C14orf39: variants seen among roughly 807,000 people sequenced by gnomAD.
C14orf39 encodes the protein chromosome 14 open reading frame 39.
Under a neutral mutation model 85.6 loss-of-function variants are expected in C14orf39, and 66 were observed. The ratio of observed to expected loss-of-function variants is 0.77; its 90% CI spans 0.63 to 0.95. The LOEUF (loss-of-function observed/expected upper bound fraction) is 0.95, where lower values mean the gene tolerates loss of function less well. Ranked by LOEUF, C14orf39 falls within the 40% of genes least tolerant of loss-of-function variation. The pLI is 0.00. For missense variants in C14orf39, 735 were observed against 663.9 expected (o/e 1.11, Z -1.18); for synonymous variants, 242 against 214.0 (o/e 1.13, Z -1.14).
intron 1 of C14orf39, among the ~76,000 whole-genome samples, chr14:60,505,951 A>G (rs1414789238): frequency 6.6e-6 from 1 of 152,216 alleles, no homozygotes; most frequent in East Asian, 1.9e-4. Flanking sequence ...ACTGAACTCC[A>G]GATATTTCCG....
In C14orf39 at chr14:60,458,508, G is replaced by A. The variant is rs552621869; in HGVS notation, c.1179+170C>T. On this transcript the variant is annotated intron_variant, in intron 14 of 17. Transcript: ENST00000321731. Reference sequence around the variant, plus strand: ...TTGTATATTTTCATATAAAATTTTTGTGGCTTCATCTTTTAATCTGAAAAA... The same window carrying A: ...TTGTATATTTTCATATAAAATTTTTATGGCTTCATCTTTTAATCTGAAAAA... Among the ~76,000 whole-genome samples, 13 of 151,616 alleles carry A rather than the reference G, an allele frequency of 8.6e-5. No homozygotes were observed. The South Asian group carries it at 2.3e-3, about 27-fold the overall frequency.
intron 1 of C14orf39, among the ~76,000 whole-genome samples, chr14:60,507,129 G>T (rs941642511): frequency 1.3e-5 from 2 of 152,026 alleles, no homozygotes; most frequent in African/African-American, 4.8e-5. Flanking sequence ...CCTCTTCTGC[G>T]CGCTAAGGGT....
intron 1 of C14orf39, among the ~76,000 whole-genome samples, chr14:60,501,804 A>G (rs1893153727): frequency 6.6e-6 from 1 of 152,194 alleles, no homozygotes; most frequent in Non-Finnish European, 1.5e-5. Context: ...GAGACCCAGG[A>G]CAAGATGGAA....
At chr14:60,511,388 T>C in intron 1 of C14orf39, 1 of 1,111,606 alleles carries the variant, frequency 9.0e-7, no homozygotes, top group Non-Finnish European at 1.3e-6. Context: ...CGGGCTCGGG[T>C]TGCCGTTTCC....
intron 1 of C14orf39, chr14:60,509,391 C>G: frequency 6.3e-7 from 1 of 1,599,110 alleles, no homozygotes; most frequent in Non-Finnish European, 8.5e-7. Context: ...GCCGCCGGCA[C>G]TGCCTCGATG....
At chr14:60,506,465 G>C (rs1003487060) in intron 1 of C14orf39, among the ~76,000 whole-genome samples, 1 of 152,184 alleles carries the variant, frequency 6.6e-6, no homozygotes, top group Non-Finnish European at 1.5e-5. Flanking sequence ...CCCCAAAAGA[G>C]GGTTATTCCT....
chr14:60,498,744 A>G (rs1595495165), intron 2 of C14orf39, among the ~76,000 whole-genome samples: 1 of 152,212 alleles, frequency 6.6e-6, no homozygotes, highest in East Asian at 1.9e-4. Flanking sequence ...ACTGAAGGAC[A>G]TTTTAAAAAA....
At chr14:60,486,257 A>C (rs971055777), upstream of C14orf39, among the ~76,000 whole-genome samples, 3 of 152,242 alleles carry the variant, frequency 2.0e-5, no homozygotes, top group Non-Finnish European at 4.4e-5. Flanking sequence ...TGCTGGAGTT[A>C]GAGGACCCTC....
At chr14:60,451,415 A>G (rs1320696611) in intron 16 of C14orf39, among the ~76,000 whole-genome samples, 1 of 152,192 alleles carries the variant, frequency 6.6e-6, no homozygotes, top group Non-Finnish European at 1.5e-5. Flanking sequence ...CACTATTCAC[A>G]ATAGCAAAGA....
chr14:60,492,394 A>G (rs2140175566), intron 2 of C14orf39, among the ~76,000 whole-genome samples: 1 of 152,266 alleles, frequency 6.6e-6, no homozygotes, highest in African/African-American at 2.4e-5. Flanking sequence ...CCAATATATC[A>G]ATCCTTAAGT....
At chr14:60,502,403 AG>A (rs1344508940) in intron 1 of C14orf39, among the ~76,000 whole-genome samples, 1 of 152,230 alleles carries the variant, frequency 6.6e-6, no homozygotes, top group East Asian at 1.9e-4. Context: ...AAAAAGGTAA[AG>A]AAACAGAAAG....
intron 11 of C14orf39, 148 bp downstream of exon 11, chr14:60,465,831 G>T: frequency 5.1e-6 from 2 of 392,230 alleles, no homozygotes; most frequent in Non-Finnish European, 8.9e-6. Context: ...TTGCACTAAT[G>T]GCTGATTTAA....
upstream of C14orf39, among the ~76,000 whole-genome samples, chr14:60,489,367 C>A (rs941069463): frequency 6.6e-6 from 1 of 152,152 alleles, no homozygotes; most frequent in East Asian, 1.9e-4. Context: ...GCTTTCGTTT[C>A]CTCACATATA....
chr14:60,440,096 TAGATTTAAATTTTTAGATGGC>T (rs1306225303), intron 17 of C14orf39, among the ~76,000 whole-genome samples: 1 of 152,112 alleles, frequency 6.6e-6, no homozygotes, highest in East Asian at 1.9e-4. Flanking sequence ...AGGATGTAAA[TAGATTTAAATTTTTAGATGGC>T]AGACATTTAA....
intron 11 of C14orf39, 50 bp from the exon 12 acceptor site, chr14:60,461,643 A>T (rs1891541954): frequency 7.8e-7 from 1 of 1,280,568 alleles, no homozygotes; most frequent in Non-Finnish European, 1.1e-6. Context: ...AGCAATAAAA[A>T]TTTTTTGCTT....
At chr14:60,487,720 G>A (rs547033537), upstream of C14orf39, among the ~76,000 whole-genome samples, 4 of 152,078 alleles carry the variant, frequency 2.6e-5, no homozygotes, top group Non-Finnish European at 5.9e-5. Context: ...TTCCCTAATG[G>A]CGGTACCCAT....
intron 14 of C14orf39, among the ~76,000 whole-genome samples, chr14:60,457,492 T>C (rs958698698): frequency 6.6e-6 from 1 of 151,994 alleles, no homozygotes; most frequent in Non-Finnish European, 1.5e-5. Flanking sequence ...AATCTTGCTC[T>C]CATTGATTAA....
At chr14:60,437,800 T>A (rs1264996208) in intron 17 of C14orf39, among the ~76,000 whole-genome samples, 1 of 152,034 alleles carries the variant, frequency 6.6e-6, no homozygotes, top group Non-Finnish European at 1.5e-5. Context: ...ATACTGCTCA[T>A]GGCATTGTTC....
chr14:60,506,138 G>C (rs980956480), intron 1 of C14orf39, among the ~76,000 whole-genome samples: 1 of 152,122 alleles, frequency 6.6e-6, no homozygotes, highest in African/African-American at 2.4e-5. Flanking sequence ...CAAGACCCGA[G>C]CCTTTGTCCA....
Sources: allele counts gnomAD v4.1 joint callset (sites outside exome capture counted in the v4.1 genomes callset), GRCh38; gene constraint gnomAD v4.1.1; transcripts MANE v1.5; gene names NCBI Gene and HGNC (gene_info 2026-07-23, HGNC 2026-07-21).